Variants in RPRD1B observed in about 807,000 individuals in gnomAD.
RPRD1B encodes the protein regulation of nuclear pre-mRNA domain containing 1B, also known as regulation of nuclear pre-mRNA domain-containing protein 1B.
In RPRD1B, 11 loss-of-function variants were observed where a neutral mutation model predicts 41.5. The observed-to-expected ratio is 0.27, with a 90% CI of 0.17 to 0.44. RPRD1B has a LOEUF of 0.44. Among genes scored for constraint, RPRD1B ranks in the 20% least tolerant of loss-of-function variants. RPRD1B has a pLI of 1.00. For missense variants in RPRD1B, 248 were observed against 389.9 expected (o/e 0.64, Z 3.06); for synonymous variants, 158 against 155.6 (o/e 1.02, Z -0.12).
intron 3 of RPRD1B, among the ~76,000 whole-genome samples, chr20:38,053,250 T>C (rs1375653643): frequency 1.3e-5 from 2 of 152,198 alleles, no homozygotes; most frequent in Non-Finnish European, 2.9e-5. Context: ...TTTAAAAAAA[T>C]GTATAGCTTT....
At chr20:38,049,926 GT>G (rs1417993241) in intron 3 of RPRD1B, 1 of 452,946 alleles carries the variant, frequency 2.2e-6, no homozygotes, top group African/African-American at 2.0e-5. Flanking sequence ...ATTGCCGACA[GT>G]TTACCCTCTG....
At chr20:38,034,770 C>T (rs1398588920) in intron 1 of RPRD1B, among the ~76,000 whole-genome samples, 7 of 152,132 alleles carry the variant, frequency 4.6e-5, no homozygotes, top group Non-Finnish European at 8.8e-5. Flanking sequence ...GATTTCAGGC[C>T]CTGCTCAGGT....
At chr20:38,063,672 G>A (rs2074323924) in intron 5 of RPRD1B, among the ~76,000 whole-genome samples, 1 of 152,160 alleles carries the variant, frequency 6.6e-6, no homozygotes, top group Admixed American at 6.5e-5. Context: ...CTGAGGTAGA[G>A]AAGACATGGG....
rs1256964597 is a variant in RPRD1B, at chr20:38,092,205, GTTT to G, written c.*2333_*2335del. ...CTCAGAAAGTCTTCAATCTTCCCTT[GTTT>G]TTGTTTGTTTGTTTTTCTTAAAGAA... On this transcript the variant is annotated 3_prime_UTR_variant, in exon 7 of 7. Transcript: ENST00000373433. 3.0e-6 allele frequency: 3 copies of G among 985,088 alleles called. No homozygotes were observed. The African/African-American group carries it at 5.3e-5, about 17-fold the overall frequency. 61.0% of individuals were successfully genotyped at this position (985,088 alleles called of 1,614,324 possible).
intron 6 of RPRD1B, among the ~76,000 whole-genome samples, chr20:38,086,942 T>TA (rs2074566813): frequency 6.6e-6 from 1 of 152,098 alleles, no homozygotes; most frequent in South Asian, 2.1e-4. Flanking sequence ...TTTGGTTTTT[T>TA]GGGGTTTTTT....
intron 6 of RPRD1B, among the ~76,000 whole-genome samples, chr20:38,068,090 T>C (rs2074375282): frequency 1.3e-5 from 2 of 152,230 alleles, no homozygotes; most frequent in African/African-American, 2.4e-5. Flanking sequence ...TTCTGGTTTT[T>C]GTAGAACTAG....
intron 2 of RPRD1B, among the ~76,000 whole-genome samples, chr20:38,041,617 G>C (rs1336337858): frequency 1.3e-5 from 2 of 152,164 alleles, no homozygotes; most frequent in East Asian, 3.9e-4. Context: ...GACTACTAGA[G>C]GAGCTATCTG....
At chr20:38,073,825 A>G (rs2074433946) in intron 6 of RPRD1B, among the ~76,000 whole-genome samples, 1 of 152,208 alleles carries the variant, frequency 6.6e-6, no homozygotes, top group Non-Finnish European at 1.5e-5. Flanking sequence ...AGAGGAAGCC[A>G]GTGAGGACCA....
chr20:38,079,101 A>G (rs543958728), intron 6 of RPRD1B, among the ~76,000 whole-genome samples: 1 of 152,314 alleles, frequency 6.6e-6, no homozygotes, highest in African/African-American at 2.4e-5. Flanking sequence ...TTCAAATGGA[A>G]CAGTTTAGCA....
chr20:38,039,403 A>G (rs1447535954), intron 1 of RPRD1B, among the ~76,000 whole-genome samples: 1 of 150,824 alleles, frequency 6.6e-6, no homozygotes, highest in South Asian at 2.1e-4. Flanking sequence ...AAATTACAAG[A>G]AACCTTTTTT....
chr20:38,037,249 T>C (rs892896487), intron 1 of RPRD1B, among the ~76,000 whole-genome samples: 1 of 152,242 alleles, frequency 6.6e-6, no homozygotes, highest in Admixed American at 6.5e-5. Context: ...AGCTCTGTTC[T>C]AAGTAGAACG....
At chr20:38,082,241 G>A (rs74791118) in intron 6 of RPRD1B, among the ~76,000 whole-genome samples, 3 of 152,098 alleles carry the variant, frequency 2.0e-5, no homozygotes, top group Admixed American at 1.3e-4. Flanking sequence ...TTTGGAACTC[G>A]TTAATAGGTC....
intron 6 of RPRD1B, among the ~76,000 whole-genome samples, chr20:38,087,881 G>A (rs953277536): frequency 1.3e-5 from 2 of 152,154 alleles, no homozygotes; most frequent in Non-Finnish European, 2.9e-5. Flanking sequence ...CATTCATTCG[G>A]CACATGTGCT....
At chr20:38,058,703 T>C (rs1312365231) in intron 4 of RPRD1B, among the ~76,000 whole-genome samples, 3 of 152,170 alleles carry the variant, frequency 2.0e-5, no homozygotes, top group Admixed American at 6.5e-5. Context: ...AGTCAACATA[T>C]AATTTTTTCC....
At chr20:38,066,384 C>A in intron 6 of RPRD1B, 128 bp downstream of exon 6, 1 of 875,766 alleles carries the variant, frequency 1.1e-6, no homozygotes, top group Non-Finnish European at 1.7e-6. Flanking sequence ...GAATTCTGAA[C>A]ATCCATCAGA....
At chr20:38,069,371 G>A (rs903785925) in intron 6 of RPRD1B, among the ~76,000 whole-genome samples, 14 of 152,282 alleles carry the variant, frequency 9.2e-5, no homozygotes, top group African/African-American at 3.1e-4. Context: ...GGCATTTGGC[G>A]GTTCTGATTG....
At chr20:38,063,033 C>T (rs1455270548) in intron 5 of RPRD1B, among the ~76,000 whole-genome samples, 1 of 152,000 alleles carries the variant, frequency 6.6e-6, no homozygotes, top group Non-Finnish European at 1.5e-5. Flanking sequence ...TCTGTTACCG[C>T]AAGACTTTTA....
intron 3 of RPRD1B, among the ~76,000 whole-genome samples, chr20:38,052,277 T>C (rs1184338441): frequency 6.6e-6 from 1 of 152,218 alleles, no homozygotes; most frequent in African/African-American, 2.4e-5. Flanking sequence ...ATATATGAAC[T>C]GGTCGCAAAA....
At chr20:38,047,899 A>G (rs902195125) in intron 2 of RPRD1B, among the ~76,000 whole-genome samples, 12 of 152,164 alleles carry the variant, frequency 7.9e-5, no homozygotes, top group Non-Finnish European at 1.3e-4. Flanking sequence ...ATACATGTAG[A>G]GGTGTTGGTG....
Sources: gnomAD v4.1 joint callset for allele counts (sites outside exome capture counted in the v4.1 genomes callset) on GRCh38, gnomAD v4.1.1 for gene constraint, MANE v1.5 for transcripts, NCBI Gene and HGNC (gene_info 2026-07-23, HGNC 2026-07-21) for gene names.